The following CCDC178 variants were observed in gnomAD, a reference collection of about 807,000 sequenced individuals.
CCDC178 encodes the protein coiled-coil domain-containing protein 178.
Under a neutral mutation model 117.4 loss-of-function variants are expected in CCDC178, and 126 were observed. That is an observed-to-expected ratio of 1.07 (90% CI 0.93 to 1.24). The LOEUF is 1.24. CCDC178 is among the 50% of genes most tolerant of loss of function. The probability of loss-of-function intolerance (pLI) is 0.00; values close to 1 mark genes in which losing one functional copy is unlikely to be tolerated. For missense variants in CCDC178, 1,030 were observed against 986.9 expected, an observed-to-expected ratio of 1.04 and a Z score of -0.59; for synonymous variants, 283 against 313.4, an observed-to-expected ratio of 0.90 and a Z score of 1.02.
chr18:33,333,329 G>A lies in CCDC178; in HGVS notation c.724C>T (p.Leu242=), dbSNP rs2062696789. ...QWHLEDKANQ[L]QHFEKQKTEL... ...GTCTTTTGTTTTTCAAAATGTTGTA[G>A]TTGATTAGCTTTATCTTCAAGATGC... Residue 242 remains leucine (L), a synonymous_variant, in exon 10 of 23, where the codon CTA becomes TTA. Coordinates refer to ENST00000383096, the MANE Select transcript of CCDC178 (RefSeq NM_001105528.4). 2 of 1,612,218 alleles carry A rather than the reference G, an allele frequency of 1.2e-6. No homozygotes were observed. Among genetic ancestry groups the A allele is most frequent in the African/African-American group, 2.7e-5 (2 of 74,778 alleles).
At chr18:33,373,136 T>C (rs1380753092) in intron 5 of CCDC178, among the ~76,000 whole-genome samples, 2 of 152,190 alleles carry the variant, frequency 1.3e-5, no homozygotes, top group African/African-American at 2.4e-5. Context: ...GCTTTTGTTA[T>C]ACATGAGAAA....
rs150920084 is a variant in CCDC178 at position 33,331,891 on chromosome 18, C to T, written c.879+1283G>A. Among the ~76,000 whole-genome samples, 30 of 152,280 alleles carry T rather than the reference C, an allele frequency of 2.0e-4. No individual in the cohort carries two copies. In the East Asian group the frequency reaches 5.8e-3, roughly 29 times the overall value. On this transcript the variant is annotated intron_variant, in intron 10 of 22. Coordinates refer to ENST00000383096, the MANE Select transcript of CCDC178 (RefSeq NM_001105528.4). ...GTATATAACCCCACTAGGAAAAATT[C>T]ACATGCAGATACAGAGGAAGGTATT... is the stretch of plus-strand genomic sequence containing the variant.
intron 9 of CCDC178, among the ~76,000 whole-genome samples, chr18:33,342,617 T>C (rs1038483553): frequency 1.3e-5 from 2 of 152,154 alleles, no homozygotes; most frequent in Non-Finnish European, 1.5e-5. Flanking sequence ...ATGAAAACCA[T>C]ACTCCTGGGA....
chr18:33,177,822 G>C (rs1260761032), intron 20 of CCDC178, among the ~76,000 whole-genome samples: 1 of 152,046 alleles, frequency 6.6e-6, no homozygotes, highest in Admixed American at 6.6e-5. Flanking sequence ...TATTTGACAT[G>C]TTTGACTACT....
chr18:33,373,491 T>G (rs532199746), intron 5 of CCDC178, among the ~76,000 whole-genome samples: 4 of 152,192 alleles, frequency 2.6e-5, no homozygotes, highest in Non-Finnish European at 4.4e-5. Context: ...GAACTGTTTA[T>G]ACTGGCAGCT....
chr18:33,162,724 G>C (rs1187944115), intron 20 of CCDC178, among the ~76,000 whole-genome samples: 1 of 152,096 alleles, frequency 6.6e-6, no homozygotes, highest in Non-Finnish European at 1.5e-5. Flanking sequence ...AAGGATGATG[G>C]CCTCCAGCTC....
chr18:33,363,179 T>G (rs1387225622), intron 6 of CCDC178, among the ~76,000 whole-genome samples: 1 of 151,998 alleles, frequency 6.6e-6, no homozygotes, highest in Admixed American at 6.6e-5. Context: ...AAGGAAAGTA[T>G]GTTTTAATAA....
chr18:33,115,638 AT>A (rs2057846726), intron 20 of CCDC178, among the ~76,000 whole-genome samples: 1 of 151,952 alleles, frequency 6.6e-6, no homozygotes, highest in African/African-American at 2.4e-5. Flanking sequence ...GTATGTCTAA[AT>A]CATACATTTG....
intron 12 of CCDC178, among the ~76,000 whole-genome samples, chr18:33,275,680 GGAGGA>G (rs1479083597): frequency 2.4e-4 from 26 of 108,296 alleles, no homozygotes; most frequent in African/African-American, 8.8e-4. Flanking sequence ...GGAGGGGAGG[GGAGGA>G]GGGAGGGGAA....
chr18:33,133,188 T>A (rs1481272118), intron 20 of CCDC178, among the ~76,000 whole-genome samples: 1 of 151,846 alleles, frequency 6.6e-6, no homozygotes, highest in Non-Finnish European at 1.5e-5. Flanking sequence ...AATGTTGAAA[T>A]GTTATCGAAA....
Position 33,333,545 on chromosome 18 carries a change from C to T in CCDC178, c.659-151G>A, listed in dbSNP as rs1048367730. 9 of 464,768 alleles carry T rather than the reference C, an allele frequency of 1.9e-5. No homozygotes were observed. The East Asian group carries it at 2.6e-4, about 13-fold the overall frequency. 28.8% of individuals were successfully genotyped at this position (464,768 alleles called of 1,614,324 possible). ...TTTTTTTTTTTCCGAGATGGAGTTTCGCTCTTGTTGCCCAGGTTGGAGTGC... is the reference window on the plus strand; with the variant it reads ...TTTTTTTTTTTCCGAGATGGAGTTTTGCTCTTGTTGCCCAGGTTGGAGTGC... On this transcript the variant is annotated intron_variant, in intron 9 of 22. Transcript: ENST00000383096.
chr18:33,222,946 G>A (rs1227758265), intron 18 of CCDC178, among the ~76,000 whole-genome samples, 160 bp downstream of exon 18: 4 of 152,000 alleles, frequency 2.6e-5, no homozygotes, highest in Non-Finnish European at 5.9e-5. Context: ...AAAACACAAG[G>A]ACTGTGTGTG....
In CCDC178 at chr18:33,215,576, A is replaced by T. The variant is rs2059155440; in HGVS notation, c.2052T>A (p.Ser684Arg). ...TTAATATTTCAAGTGTCTGATCAAA[A>T]CTTTTCTTTTCTTCTTCTTTTGCTT... ...ELKAKEEEKK[S>R]FDQTLEILKN... Residue 684 changes from serine (S) to arginine (R), a missense_variant, in exon 19 of 23, where the codon AGT becomes AGA. Ser to Arg is a moderately radical substitution (Grantham distance 110). Coordinates refer to ENST00000383096, the MANE Select transcript of CCDC178 (RefSeq NM_001105528.4). The T allele has an allele frequency of 6.8e-7, 1 of 1,465,470 alleles. No homozygotes were observed. Among genetic ancestry groups the T allele is most frequent in the South Asian group, 1.4e-5 (1 of 73,846 alleles). The allele number at this position is 1,465,470 out of a possible 1,614,324, so 90.8% of individuals were successfully genotyped here.
At chr18:33,112,210 G>GT (rs2057793093) in intron 20 of CCDC178, among the ~76,000 whole-genome samples, 1 of 151,650 alleles carries the variant, frequency 6.6e-6, no homozygotes, top group Admixed American at 6.6e-5. Flanking sequence ...ACAAAGCTCC[G>GT]TAAGATGACC....
chr18:33,333,307 T>C lies in CCDC178; in HGVS notation c.746A>G (p.Lys249Arg), dbSNP rs1289805189. 1.2e-6 allele frequency: 2 copies of C among 1,612,876 alleles called. No homozygotes were observed. Among genetic ancestry groups the C allele is most frequent in the Non-Finnish European group, 1.7e-6 (2 of 1,179,172 alleles). ...ANQLQHFEKQKTELEEANAKI... is the reference protein window; with the variant it reads ...ANQLQHFEKQRTELEEANAKI... ...TGCATTTGCTTCTTCTAACTCTGTCTTTTGTTTTTCAAAATGTTGTAGTTG... is the reference window on the plus strand; with the variant it reads ...TGCATTTGCTTCTTCTAACTCTGTCCTTTGTTTTTCAAAATGTTGTAGTTG... The change falls in exon 10 of 23, where the codon AAG becomes AGG. Residue 249 changes from lysine to arginine, a missense_variant. Physicochemically the swap from Lys to Arg is conservative, Grantham distance 26. Transcript: ENST00000383096.
chr18:32,954,465 C>T (rs1236772265), intron 22 of CCDC178: 1 of 152,010 alleles, frequency 6.6e-6, no homozygotes, highest in Non-Finnish European at 1.5e-5. Flanking sequence ...TTGTATTTGG[C>T]TCTATTGGGA....
At chr18:33,240,343 C>A (rs555522072) in intron 15 of CCDC178, among the ~76,000 whole-genome samples, 2 of 150,800 alleles carry the variant, frequency 1.3e-5, no homozygotes, top group Non-Finnish European at 3.0e-5. Context: ...CAAAACAAAC[C>A]CAAAGTTAGA....
chr18:33,306,412 TTGTGTGTG>T (rs71159815), intron 11 of CCDC178, among the ~76,000 whole-genome samples: 5 of 126,252 alleles, frequency 4.0e-5, no homozygotes, highest in South Asian at 2.6e-4. Context: ...TATTGGATCT[TTGTGTGTG>T]TGTGTGTGTG....
chr18:33,135,610 T>C (rs2144272380), intron 20 of CCDC178, among the ~76,000 whole-genome samples: 1 of 152,344 alleles, frequency 6.6e-6, no homozygotes, highest in Admixed American at 6.5e-5. Flanking sequence ...TCTGTTTCTT[T>C]AATGTGATAA....
Sources: allele counts gnomAD v4.1 joint callset (sites outside exome capture counted in the v4.1 genomes callset), GRCh38; gene constraint gnomAD v4.1.1; transcripts MANE v1.5; gene names NCBI Gene and HGNC (gene_info 2026-07-23, HGNC 2026-07-21).